TAB2: variants seen among roughly 807,000 people sequenced by gnomAD.
TAB2 encodes TGF-beta-activated kinase 1 and MAP3K7-binding protein 2.
In TAB2, 3 loss-of-function variants were observed where a neutral mutation model predicts 65.0. The observed-to-expected ratio is 0.05, with a 90% CI of 0.02 to 0.12. TAB2 has a LOEUF of 0.12. Among genes scored for constraint, TAB2 ranks in the 10% least tolerant of loss-of-function variants. The probability of loss-of-function intolerance (pLI) is 1.00; values close to 1 mark genes in which losing one functional copy is unlikely to be tolerated. For missense variants in TAB2, 623 were observed against 840.3 expected, an observed-to-expected ratio of 0.74 and a Z score of 3.20; for synonymous variants, 298 against 285.1, an observed-to-expected ratio of 1.05 and a Z score of -0.46.
chr6:149,328,532 T>C (rs759750698), intron 1 of TAB2, among the ~76,000 whole-genome samples: 1 of 152,184 alleles, frequency 6.6e-6, no homozygotes, highest in East Asian at 1.9e-4. Flanking sequence ...GACCTTGTGA[T>C]TGGCCCGCCT....
intron 1 of TAB2, among the ~76,000 whole-genome samples, chr6:149,325,405 C>G (rs890414386): frequency 6.6e-6 from 1 of 152,078 alleles, no homozygotes; most frequent in Non-Finnish European, 1.5e-5. Context: ...TTCATTTTTC[C>G]TCAACAAATA....
chr6:149,317,509 C>T (rs1779288608), upstream of TAB2: 1 of 156,962 alleles, frequency 6.4e-6, no homozygotes, highest in Admixed American at 6.5e-5. The surrounding 1 kb of genome is among the most constrained non-coding windows in gnomAD (Gnocchi z 4.7). Context: ...CTGCAGATCT[C>T]GCGGTGTTTG....
intron 6 of TAB2, among the ~76,000 whole-genome samples, chr6:149,407,048 T>C (rs1782689290): frequency 6.6e-6 from 1 of 152,218 alleles, no homozygotes; most frequent in South Asian, 2.1e-4. Flanking sequence ...TAGGTGTAGC[T>C]CTGTCCTCAT....
chr6:149,395,099 C>T (rs1782122202), intron 3 of TAB2, among the ~76,000 whole-genome samples: 2 of 152,340 alleles, frequency 1.3e-5, no homozygotes, highest in African/African-American at 4.8e-5. Context: ...TCTCTGCTAC[C>T]GTGGTAACGT....
intron 1 of TAB2, among the ~76,000 whole-genome samples, chr6:149,275,336 G>T (rs1165053941): frequency 6.6e-6 from 1 of 151,064 alleles, no homozygotes; most frequent in Non-Finnish European, 1.5e-5. Flanking sequence ...GAGGGATGGG[G>T]TATTTCAAAG....
upstream of TAB2, among the ~76,000 whole-genome samples, chr6:149,314,713 T>C (rs1213558900): frequency 1.3e-5 from 2 of 152,220 alleles, no homozygotes; most frequent in Non-Finnish European, 2.9e-5. Flanking sequence ...ACATGGTTTA[T>C]GGAGCACTTG....
chr6:149,338,493 C>G (rs184916624), intron 1 of TAB2, among the ~76,000 whole-genome samples: 2 of 152,170 alleles, frequency 1.3e-5, no homozygotes, highest in Admixed American at 6.5e-5. Flanking sequence ...ACTTTGCAGG[C>G]TGAAAAGAAA....
At chr6:149,371,401 G>C (rs1382392473) in intron 2 of TAB2, among the ~76,000 whole-genome samples, 1 of 152,098 alleles carries the variant, frequency 6.6e-6, no homozygotes, top group Non-Finnish European at 1.5e-5. Flanking sequence ...TGGAATCCTG[G>C]CTGTTTCTAC....
intron 1 of TAB2, among the ~76,000 whole-genome samples, chr6:149,281,555 CAAAAAAAAAAAAA>C (rs59196897): frequency 5.7e-5 from 4 of 70,348 alleles, no homozygotes; most frequent in African/African-American, 2.0e-4. Context: ...GATGCCATCT[CAAAAAAAAAAAAA>C]AAAAAAAAAA....
Position 149,409,957 on chromosome 6 carries a change from C to T in TAB2, c.*238C>T. On this transcript the variant is annotated 3_prime_UTR_variant, in exon 7 of 7. Coordinates refer to ENST00000637181, the MANE Select transcript of TAB2 (RefSeq NM_001292034.3). ...GCTGAAAGACTTGGTTGCCCACTGCCTAACTGTGTACAGTGTTACCAGTGT... is the reference window on the plus strand; with the variant it reads ...GCTGAAAGACTTGGTTGCCCACTGCTTAACTGTGTACAGTGTTACCAGTGT... 1 of 577,850 alleles carries T rather than the reference C, an allele frequency of 1.7e-6. No individual in the cohort carries two copies. Among genetic ancestry groups the T allele is most frequent in the South Asian group, 2.0e-5 (1 of 50,966 alleles). 35.8% of individuals were successfully genotyped at this position (577,850 alleles called of 1,614,324 possible).
At position 149,379,088 on chromosome 6, in the gene TAB2, G is replaced by A. The variant is rs201153759; in HGVS notation, c.1173G>A (p.Ala391=). 2.7e-5 allele frequency: 44 copies of A among 1,614,010 alleles called. 1 individual carries two copies. In the East Asian group the frequency reaches 7.4e-4, roughly 27 times the overall value. Residue 391 remains alanine, a synonymous_variant, in exon 3 of 7, where the codon GCG becomes GCA. Coordinates refer to ENST00000637181, the MANE Select transcript of TAB2 (RefSeq NM_001292034.3). ...SRSQPKVYIS[A]NAATGDEQVM... ...GTCAACCTAAGGTCTATATTTCAGC[G>A]AATGCTGCCACAGGAGATGAACAGG...
chr6:149,363,417 T>C (rs1000427439), intron 1 of TAB2, among the ~76,000 whole-genome samples: 2 of 152,170 alleles, frequency 1.3e-5, no homozygotes, highest in African/African-American at 4.8e-5. Context: ...TGTAGAGGCA[T>C]GAGGCAGGGA....
chr6:149,219,952 T>C (rs1391370512), intron 1 of TAB2, among the ~76,000 whole-genome samples: 1 of 152,212 alleles, frequency 6.6e-6, no homozygotes, highest in African/African-American at 2.4e-5. Context: ...ACATATACCA[T>C]TCTGGAATTT....
chr6:149,305,805 A>G (rs552225659), intron 1 of TAB2, among the ~76,000 whole-genome samples: 1 of 152,360 alleles, frequency 6.6e-6, no homozygotes, highest in Admixed American at 6.5e-5. Context: ...TTATGATTAT[A>G]AAGTTCTTCA....
intron 6 of TAB2, chr6:149,400,121 T>C (rs1016858025): frequency 1.1e-5 from 5 of 467,472 alleles, no homozygotes; most frequent in African/African-American, 5.8e-5. Flanking sequence ...TATTAGTAAT[T>C]ACCTTAACTG....
At chr6:149,406,273 A>C (rs1782661759) in intron 6 of TAB2, among the ~76,000 whole-genome samples, 1 of 152,232 alleles carries the variant, frequency 6.6e-6, no homozygotes, top group Non-Finnish European at 1.5e-5. Context: ...AGAAACATTA[A>C]GGTTTGTAGG....
chr6:149,368,645 T>TAG (rs1781117780), intron 1 of TAB2, among the ~76,000 whole-genome samples: 1 of 147,496 alleles, frequency 6.8e-6, no homozygotes, highest in African/African-American at 2.5e-5. Flanking sequence ...ATGCGAAAAT[T>TAG]TGTGTGTGTG....
chr6:149,306,536 C>A (rs1220049898), intron 1 of TAB2, among the ~76,000 whole-genome samples: 3 of 138,368 alleles, frequency 2.2e-5, no homozygotes, highest in African/African-American at 8.2e-5. Flanking sequence ...CCAGCCCAGG[C>A]GACAGAGCAA....
chr6:149,326,657 C>G (rs563757084), intron 1 of TAB2, among the ~76,000 whole-genome samples: 1 of 151,934 alleles, frequency 6.6e-6, no homozygotes, highest in South Asian at 2.1e-4. Context: ...AAGCAATTCT[C>G]CTGCCTCAGC....
Sources: gnomAD v4.1 joint callset for allele counts (sites outside exome capture counted in the v4.1 genomes callset) on GRCh38, gnomAD v4.1.1 for gene constraint, Gnocchi (gnomAD v3.1) non-coding constraint, MANE v1.5 for transcripts, NCBI Gene and HGNC (gene_info 2026-07-23, HGNC 2026-07-21) for gene names.